APOLD1: variants seen among roughly 807,000 people sequenced by gnomAD.
APOLD1 encodes the protein apolipoprotein L domain containing 1, also known as apolipoprotein L domain-containing protein 1.
A neutral mutation model predicts 15.3 loss-of-function variants in APOLD1; 22 were observed. That is an observed-to-expected ratio of 1.44 (90% CI 1.03 to 2.05). The LOEUF (loss-of-function observed/expected upper bound fraction) is 2.05. Among genes scored for constraint, APOLD1 ranks in the 30% most tolerant of loss-of-function variants. APOLD1 has a pLI of 0.00. For synonymous variants in APOLD1, 190 were observed against 167.4 expected (o/e 1.13, Z -1.04); for missense variants, 394 against 353.5 (o/e 1.11, Z -0.92).
chr12:12,789,028 A>C lies in APOLD1; in HGVS notation c.*1376A>C, dbSNP rs996295486. 5.3e-5 allele frequency: 8 copies of C among 150,586 alleles called. No individual in the cohort carries two copies. The highest frequency in any genetic ancestry group is 1.9e-4 in the African/African-American group (8 of 41,268). The allele number at this position is 150,586 out of a possible 1,614,324, so 9.3% of individuals were successfully genotyped here. On this transcript the variant is annotated 3_prime_UTR_variant, in exon 2 of 2. Transcript: ENST00000356591. The stretch of plus-strand genomic sequence containing the variant: ...AGAAACTGGTACAGAAAGGAATATG[A>C]AGTTCCTGAAACTGACCTTTGTCTA...
rs193015954 is a variant in APOLD1 at position 12,741,790 on chromosome 12, C to A, written c.96+15694C>A. On this transcript the variant is annotated intron_variant, in intron 1 of 1. Transcript: ENST00000326765. The stretch of plus-strand genomic sequence containing the variant: ...ACTCATCTACATTGTTTCCTTTAAT[C>A]CTGAGATTAAATAAATTCTGAGAAG... 5.9e-5 allele frequency among the ~76,000 whole-genome samples: 9 copies of A among 152,264 alleles called. No individual in the cohort carries two copies. In the East Asian group the frequency reaches 1.7e-3, roughly 29 times the overall value.
chr12:12,748,346 A>G (rs191139395), intron 1 of APOLD1, among the ~76,000 whole-genome samples: 1 of 152,310 alleles, frequency 6.6e-6, no homozygotes, highest in East Asian at 1.9e-4. Context: ...AGAGAGGGCA[A>G]GGTGGAGGGG....
intron 1 of APOLD1, among the ~76,000 whole-genome samples, chr12:12,780,419 C>T (rs1399640981): frequency 1.3e-5 from 2 of 151,832 alleles, no homozygotes; most frequent in African/African-American, 2.4e-5. Flanking sequence ...GCGCCTGCCT[C>T]AGCCTCCCGA....
intron 1 of APOLD1, among the ~76,000 whole-genome samples, chr12:12,752,088 A>C (rs1025502958): frequency 3.9e-5 from 6 of 152,224 alleles, no homozygotes; most frequent in African/African-American, 1.4e-4. Context: ...GCTATTGAGA[A>C]TAAATTTGTT....
chr12:12,730,137 C>T (rs891868779), intron 1 of APOLD1, among the ~76,000 whole-genome samples: 7 of 151,594 alleles, frequency 4.6e-5, no homozygotes, highest in African/African-American at 7.3e-5. Context: ...TGGTATTGAA[C>T]TCCTAGTCTC....
At chr12:12,728,738 T>C (rs1394477012) in intron 1 of APOLD1, among the ~76,000 whole-genome samples, 1 of 146,824 alleles carries the variant, frequency 6.8e-6, no homozygotes, top group African/African-American at 2.5e-5. Flanking sequence ...AACTCCAATA[T>C]GTTAGTTGTG....
At chr12:12,762,662 C>CTTTTTAAAATTAATTAATTTATTTTTTAT (rs1461339200) in intron 1 of APOLD1, among the ~76,000 whole-genome samples, 6 of 151,738 alleles carry the variant, frequency 4.0e-5, no homozygotes, top group Non-Finnish European at 7.4e-5. Flanking sequence ...CTTACCCTGA[C>CTTTTTAAAATTAATTAATTTATTTTTTAT]TTTTTTCCTT....
At chr12:12,768,495 A>T (rs1946958397) in intron 1 of APOLD1, among the ~76,000 whole-genome samples, 1 of 151,942 alleles carries the variant, frequency 6.6e-6, no homozygotes, top group South Asian at 2.1e-4. Flanking sequence ...AAACAAAACA[A>T]AACAAAAAAA....
chr12:12,741,499 C>A lies in APOLD1; in HGVS notation c.96+15403C>A, dbSNP rs143657457. 2.4e-3 allele frequency among the ~76,000 whole-genome samples: 368 copies of A among 152,316 alleles called. 1 individual carries two copies. Among genetic ancestry groups the A allele is most frequent in the African/African-American group, 8.5e-3 (353 of 41,566 alleles). ...CAAAGTGCTGAATTACAGGCATGAG[C>A]CATTGTGCCCGGCCCCAACCCAGTT... On this transcript the variant is annotated intron_variant, in intron 1 of 1. Coordinates refer to the APOLD1 transcript ENST00000326765.
At chr12:12,748,646 T>A (rs1946783510) in intron 1 of APOLD1, among the ~76,000 whole-genome samples, 1 of 72,344 alleles carries the variant, frequency 1.4e-5, no homozygotes, top group African/African-American at 5.8e-5. Flanking sequence ...TATATAATTA[T>A]GGGTTTTTTT....
At chr12:12,769,304 G>A (rs1246812759) in intron 1 of APOLD1, among the ~76,000 whole-genome samples, 1 of 149,824 alleles carries the variant, frequency 6.7e-6, no homozygotes, top group Non-Finnish European at 1.5e-5. Flanking sequence ...AAAATCAACA[G>A]CTCTTCTTAG....
chr12:12,780,446 G>A (rs543905228), intron 1 of APOLD1, among the ~76,000 whole-genome samples: 27 of 152,008 alleles, frequency 1.8e-4, no homozygotes, highest in Admixed American at 2.6e-4. Flanking sequence ...GGGATTACAG[G>A]CATAAGCCAC....
intron 1 of APOLD1, among the ~76,000 whole-genome samples, chr12:12,740,754 TAC>T (rs1385623569): frequency 2.6e-5 from 4 of 152,214 alleles, no homozygotes; most frequent in African/African-American, 9.6e-5. Flanking sequence ...TGAAAATTCT[TAC>T]TAGGTTTTGC....
At chr12:12,756,370 C>T (rs151269449) in intron 1 of APOLD1, among the ~76,000 whole-genome samples, 40 of 152,306 alleles carry the variant, frequency 2.6e-4, no homozygotes, top group African/African-American at 9.1e-4. Flanking sequence ...TCTTTATGAA[C>T]GCTGGCACCT....
chr12:12,736,351 CAAAA>C (rs1555087978), intron 1 of APOLD1, among the ~76,000 whole-genome samples: 29 of 104,782 alleles, frequency 2.8e-4, no homozygotes, highest in Admixed American at 5.3e-4. Context: ...GAGTCTGTCT[CAAAA>C]AAAACAAAAC....
intron 1 of APOLD1, among the ~76,000 whole-genome samples, chr12:12,760,481 T>C (rs934770450): frequency 6.6e-6 from 1 of 151,418 alleles, no homozygotes; most frequent in African/African-American, 2.4e-5. Flanking sequence ...TTACTAAAAA[T>C]ACAAAAAATT....
At chr12:12,735,824 G>A (rs981209977) in intron 1 of APOLD1, among the ~76,000 whole-genome samples, 1 of 150,984 alleles carries the variant, frequency 6.6e-6, no homozygotes, top group South Asian at 2.1e-4. Context: ...GTGAGCACCT[G>A]TAGTCATACC....
intron 1 of APOLD1, among the ~76,000 whole-genome samples, chr12:12,758,596 C>T (rs186687584): frequency 7.2e-4 from 110 of 152,266 alleles, no homozygotes; most frequent in Non-Finnish European, 1.5e-4. Context: ...AGGGACAGAG[C>T]CAGCATTTTT....
At chr12:12,739,488 T>C (rs1224817468) in intron 1 of APOLD1, among the ~76,000 whole-genome samples, 1 of 152,246 alleles carries the variant, frequency 6.6e-6, no homozygotes, top group East Asian at 1.9e-4. Flanking sequence ...ACATTTGAAA[T>C]GTATCCTTTA....
Sources: gnomAD v4.1 joint callset for allele counts (sites outside exome capture counted in the v4.1 genomes callset) on GRCh38, gnomAD v4.1.1 for gene constraint, MANE v1.5 for transcripts, NCBI Gene and HGNC (gene_info 2026-07-23, HGNC 2026-07-21) for gene names.